PCDH9: variants seen among roughly 807,000 people sequenced by gnomAD.
The protein encoded by PCDH9 is protocadherin 9.
PCDH9 carries 24 observed loss-of-function variants against 70.6 expected under a neutral mutation model. That is an observed-to-expected ratio of 0.34 (90% confidence interval 0.25 to 0.48). The LOEUF (loss-of-function observed/expected upper bound fraction) is 0.48, where lower values mean the gene tolerates loss of function less well. Among genes scored for constraint, PCDH9 ranks in the 20% least tolerant of loss-of-function variants. The pLI, the probability that PCDH9 is intolerant of heterozygous loss-of-function variation, is 0.99. For missense variants in PCDH9, 1,281 were observed against 1,503.6 expected (o/e 0.85, Z 2.45); for synonymous variants, 562 against 558.5 (o/e 1.01, Z -0.09).
chr13:66,403,805 A>G (rs1957231260), intron 4 of PCDH9, among the ~76,000 whole-genome samples: 2 of 152,164 alleles, frequency 1.3e-5, no homozygotes, highest in Admixed American at 1.3e-4. Context: ...ATGCCTTACT[A>G]TTATTGTGAA....
At chr13:66,836,919 A>C (rs992012422) in intron 3 of PCDH9, among the ~76,000 whole-genome samples, 2 of 152,236 alleles carry the variant, frequency 1.3e-5, no homozygotes, top group African/African-American at 4.8e-5. Context: ...CTACCAGAGG[A>C]ATAACAGCGC....
chr13:66,939,424 A>ATGTGTGTGTGTGTGTGTGTGTGTGTG (rs57997772), intron 2 of PCDH9, among the ~76,000 whole-genome samples: 1 of 148,028 alleles, frequency 6.8e-6, no homozygotes, highest in Non-Finnish European at 1.5e-5. Flanking sequence ...TTTAAAATAT[A>ATGTGTGTGTGTGTGTGTGTGTGTGTG]TGTGTGTGTG....
chr13:66,496,984 TC>T (rs1242168990), intron 4 of PCDH9, among the ~76,000 whole-genome samples: 1 of 152,178 alleles, frequency 6.6e-6, no homozygotes, highest in African/African-American at 2.4e-5. Flanking sequence ...TCTTTTATTT[TC>T]CTCCCGACCC....
chr13:67,127,663 CAT>C (rs1261069230), intron 2 of PCDH9, among the ~76,000 whole-genome samples: 5 of 116,400 alleles, frequency 4.3e-5, no homozygotes, highest in East Asian at 2.5e-4. Context: ...ACTTTTTTAT[CAT>C]ATATATATAT....
chr13:67,064,889 GAAATAGAT>G (rs1045174145), intron 2 of PCDH9, among the ~76,000 whole-genome samples: 4 of 136,232 alleles, frequency 2.9e-5, no homozygotes, highest in African/African-American at 1.1e-4. Flanking sequence ...TGCCTGTGTG[GAAATAGAT>G]AGATAGATAG....
At chr13:66,427,272 A>G (rs1018153174) in intron 4 of PCDH9, among the ~76,000 whole-genome samples, 4 of 151,714 alleles carry the variant, frequency 2.6e-5, no homozygotes, top group Non-Finnish European at 5.9e-5. Flanking sequence ...AATGTTAATT[A>G]TATGATTCTC....
At chr13:66,946,352 T>C (rs2083087109) in intron 2 of PCDH9, among the ~76,000 whole-genome samples, 1 of 152,070 alleles carries the variant, frequency 6.6e-6, no homozygotes, top group African/African-American at 2.4e-5. Flanking sequence ...TGAGCACATA[T>C]AGCATCCAAG....
intron 3 of PCDH9, among the ~76,000 whole-genome samples, chr13:66,779,871 A>ATGTG (rs1451103072): frequency 5.8e-4 from 11 of 18,820 alleles, no homozygotes; most frequent in Admixed American, 4.6e-3. Context: ...ATATATACAT[A>ATGTG]TATGTGTGTG....
At chr13:66,624,191 G>A (rs2077469977) in intron 4 of PCDH9, among the ~76,000 whole-genome samples, 1 of 152,114 alleles carries the variant, frequency 6.6e-6, no homozygotes, top group Non-Finnish European at 1.5e-5. Flanking sequence ...TTTTGAATTA[G>A]TGAAATTCTT....
chr13:67,146,069 T>C (rs931908584), intron 2 of PCDH9, among the ~76,000 whole-genome samples: 1 of 152,142 alleles, frequency 6.6e-6, no homozygotes, highest in South Asian at 2.1e-4. Context: ...GGACTCTTTT[T>C]GCTGAATGTT....
intron 4 of PCDH9, among the ~76,000 whole-genome samples, chr13:66,450,288 T>A (rs944939656): frequency 2.0e-5 from 3 of 152,252 alleles, no homozygotes; most frequent in African/African-American, 7.2e-5. Flanking sequence ...TATGCTATTA[T>A]ACAATATGCT....
intron 2 of PCDH9, among the ~76,000 whole-genome samples, chr13:67,000,225 C>T (rs142292375): frequency 0.19 from 29,051 of 151,290 alleles, 2,960 homozygotes; most frequent in Middle Eastern, 0.27. Flanking sequence ...AGTAAACTAT[C>T]GCAGGGACAA....
chr13:67,080,574 G>A (rs189685467), intron 2 of PCDH9, among the ~76,000 whole-genome samples: 6 of 152,308 alleles, frequency 3.9e-5, no homozygotes, highest in Non-Finnish European at 8.8e-5. Flanking sequence ...ATATTTCTGT[G>A]AGCTGTTAAG....
intron 3 of PCDH9, among the ~76,000 whole-genome samples, chr13:66,853,635 G>A (rs1002574651): frequency 1.3e-5 from 2 of 152,128 alleles, no homozygotes; most frequent in Admixed American, 6.5e-5. Flanking sequence ...AGATAAATGG[G>A]CTTAGAGGGG....
At chr13:66,628,407 CTT>C (rs2077526196) in intron 4 of PCDH9, among the ~76,000 whole-genome samples, 1 of 152,142 alleles carries the variant, frequency 6.6e-6, no homozygotes, top group African/African-American at 2.4e-5. Context: ...CTCATAATAA[CTT>C]TATACATTTG....
intron 3 of PCDH9, among the ~76,000 whole-genome samples, chr13:66,900,584 T>C (rs2082260942): frequency 6.6e-6 from 1 of 151,808 alleles, no homozygotes. Context: ...AACATTTCTC[T>C]ATAAGTAAGC....
chr13:66,330,767 C>T (rs1566245958), intron 4 of PCDH9, among the ~76,000 whole-genome samples: 1 of 152,102 alleles, frequency 6.6e-6, no homozygotes, highest in Non-Finnish European at 1.5e-5. Flanking sequence ...TACAATTCTG[C>T]ATAAAACAAA....
At chr13:67,166,517 A>G (rs536201023) in intron 2 of PCDH9, among the ~76,000 whole-genome samples, 39 of 152,334 alleles carry the variant, frequency 2.6e-4, no homozygotes, top group African/African-American at 8.4e-4. Context: ...ATGAGCTTTT[A>G]TAAATTACTT....
intron 2 of PCDH9, among the ~76,000 whole-genome samples, chr13:67,105,943 C>G (rs186106102): frequency 2.3e-3 from 349 of 150,896 alleles, no homozygotes; most frequent in Non-Finnish European, 3.6e-3. Flanking sequence ...AACTATATAT[C>G]TATATATTAG....
Sources: allele counts gnomAD v4.1 joint callset (sites outside exome capture counted in the v4.1 genomes callset), GRCh38; gene constraint gnomAD v4.1.1; transcripts MANE v1.5; gene names NCBI Gene and HGNC (gene_info 2026-07-23, HGNC 2026-07-21).